The following STK40 variants were observed in gnomAD, a reference collection of about 807,000 sequenced individuals.
STK40 encodes the protein serine/threonine-protein kinase 40.
Under a neutral mutation model 47.9 loss-of-function variants are expected in STK40, and 13 were observed. The ratio of observed to expected loss-of-function variants is 0.27; its 90% CI spans 0.18 to 0.43. The LOEUF (loss-of-function observed/expected upper bound fraction) is 0.43, where lower values mean the gene tolerates loss of function less well. Among genes scored for constraint, STK40 ranks in the 20% least tolerant of loss-of-function variants. The pLI, the probability that STK40 is intolerant of heterozygous loss-of-function variation, is 1.00. For synonymous variants in STK40, 225 were observed against 243.2 expected (o/e 0.93, Z 0.69); for missense variants, 460 against 595.1 (o/e 0.77, Z 2.36).
intron 7 of STK40, among the ~76,000 whole-genome samples, chr1:36,344,602 G>A (rs1369549648): frequency 1.3e-5 from 2 of 152,174 alleles, no homozygotes; most frequent in Non-Finnish European, 2.9e-5. Flanking sequence ...TAACTAGCTG[G>A]CTCCAGATGA....
intron 10 of STK40, chr1:36,342,344 C>G (rs1404992744): frequency 3.5e-6 from 1 of 286,130 alleles, no homozygotes; most frequent in African/African-American, 2.2e-5. Flanking sequence ...AAGCCCTGGG[C>G]TGGGGGCGCA....
rs774795614 is a variant in STK40 at position 36,343,971 on chromosome 1, C to T, written c.893G>A (p.Arg298Gln). 8 of 1,602,486 alleles carry T rather than the reference C, an allele frequency of 5.0e-6. No individual in the cohort carries two copies. The highest frequency in any genetic ancestry group is 4.0e-5 in the African/African-American group (3 of 74,650). The change falls in exon 9 of 11, where the codon CGG (arginine) becomes CAG (glutamine). Residue 298 changes from arginine (R) to glutamine (Q), a missense_variant. Arg to Gln is a conservative substitution (Grantham distance 43). Around this residue, in one of 3 missense-constraint regions of STK40, gnomAD observed 181 missense variants for 218.9 expected, o/e 0.83. Coordinates refer to ENST00000373132, the MANE Select transcript of STK40 (RefSeq NM_001282547.2). ...AAEYTIPEDG[R>Q]VSENTVCLIR... The stretch of plus-strand genomic sequence containing the variant: ...GAGACACACGGTGTTCTCAGAAACC[C>T]GTCCATCCCTGAGGCAGGGAGTTGG...
At chr1:36,380,377 G>A (rs1647029312) in intron 1 of STK40, among the ~76,000 whole-genome samples, 1 of 152,212 alleles carries the variant, frequency 6.6e-6, no homozygotes, top group African/African-American at 2.4e-5. Flanking sequence ...CTGAGGGACA[G>A]CTTCTGGCTC....
intron 1 of STK40, among the ~76,000 whole-genome samples, chr1:36,364,044 G>A (rs558824949): frequency 8.9e-4 from 135 of 151,692 alleles, no homozygotes; most frequent in African/African-American, 3.1e-3. Flanking sequence ...CCAGCTACTC[G>A]GGAGGCTGAG....
intron 1 of STK40, among the ~76,000 whole-genome samples, chr1:36,373,908 C>T (rs1281372303): frequency 2.0e-5 from 3 of 152,256 alleles, no homozygotes; most frequent in Admixed American, 6.5e-5. Context: ...CCCCCTGAGG[C>T]CTGCTCTGCT....
intron 1 of STK40, among the ~76,000 whole-genome samples, chr1:36,376,870 C>T (rs535774230): frequency 1.3e-5 from 2 of 151,670 alleles, no homozygotes; most frequent in African/African-American, 4.8e-5. Flanking sequence ...ATCACCTCCC[C>T]GGTTCAAGCA....
intron 4 of STK40, among the ~76,000 whole-genome samples, chr1:36,357,327 G>C (rs1305414352): frequency 1.3e-5 from 2 of 152,232 alleles, no homozygotes; most frequent in African/African-American, 2.4e-5. Context: ...CAAACAGCAG[G>C]TCTGTCTTAG....
intron 6 of STK40, among the ~76,000 whole-genome samples, chr1:36,351,784 A>C (rs1432990667): frequency 2.0e-5 from 3 of 152,208 alleles, no homozygotes; most frequent in African/African-American, 7.2e-5. Context: ...CAAATCCCCC[A>C]GTGACACAAA....
intron 1 of STK40, among the ~76,000 whole-genome samples, chr1:36,374,613 T>C (rs1646976308): frequency 6.6e-6 from 1 of 152,178 alleles, no homozygotes; most frequent in Non-Finnish European, 1.5e-5. Flanking sequence ...TGTGTGGGTG[T>C]CAGAGGAGGA....
At chr1:36,367,488 G>A (rs908230327) in intron 1 of STK40, among the ~76,000 whole-genome samples, 1 of 152,170 alleles carries the variant, frequency 6.6e-6, no homozygotes, top group Admixed American at 6.5e-5. Context: ...CAGGCAACGT[G>A]AGCCCAGATC....
rs147659167 is a variant in STK40 at position 36,358,770 on chromosome 1, C to T, written c.165G>A (p.Arg55=). The change falls in exon 3 of 11, where the codon AGG becomes AGA. Residue 55 remains arginine, a synonymous_variant. Transcript: ENST00000373132. ...GATAGAAGTCATCCGTGCCATCTTT[C>T]CTCGCCAAACACTGCACTATGCTTG... ...PVPSIVQCLA[R]KDGTDDFYQL... is the part of the protein sequence containing the mutation. 841 of 1,614,186 alleles carry T rather than the reference C, an allele frequency of 5.2e-4. 9 individuals carry two copies. The South Asian group carries it at 6.8e-3, about 13-fold the overall frequency.
At chr1:36,343,166 G>T in intron 10 of STK40, 198 bp downstream of exon 10, 1 of 719,750 alleles carries the variant, frequency 1.4e-6, no homozygotes. Context: ...AAGATCTCCA[G>T]CTACACCAAG....
intron 1 of STK40, among the ~76,000 whole-genome samples, chr1:36,375,655 G>A (rs1646986220): frequency 6.6e-6 from 1 of 152,170 alleles, no homozygotes; most frequent in Non-Finnish European, 1.5e-5. Context: ...ATTATCCTGT[G>A]AGAAAGGCAG....
intron 5 of STK40, 128 bp from the exon 6 acceptor site, chr1:36,354,544 C>T: frequency 1.1e-6 from 1 of 924,226 alleles, no homozygotes; most frequent in Admixed American, 1.8e-5. Flanking sequence ...TCTCTTTAGG[C>T]TCCAAGCACA....
chr1:36,383,240 G>GGC (rs1461835615), intron 1 of STK40, among the ~76,000 whole-genome samples: 4 of 152,166 alleles, frequency 2.6e-5, no homozygotes, highest in African/African-American at 9.7e-5. Context: ...CATCATACCC[G>GGC]GCCTCAAATA....
chr1:36,384,696 AAATG>A (rs779121090), intron 1 of STK40, among the ~76,000 whole-genome samples: 1 of 152,176 alleles, frequency 6.6e-6, no homozygotes, highest in Non-Finnish European at 1.5e-5. Context: ...GTCATGTGAG[AAATG>A]AATGAATGAA....
At chr1:36,343,021 C>G in intron 10 of STK40, 1 of 597,608 alleles carries the variant, frequency 1.7e-6, no homozygotes. Context: ...AAATGAAAAG[C>G]AGGAAGGGTG....
At chr1:36,357,604 A>T (rs551646207) in intron 4 of STK40, among the ~76,000 whole-genome samples, 68 of 152,078 alleles carry the variant, frequency 4.5e-4, no homozygotes, top group Middle Eastern at 3.4e-3. Flanking sequence ...AAAAAAAAAA[A>T]TTTTAAAAAA....
intron 7 of STK40, among the ~76,000 whole-genome samples, chr1:36,346,038 A>G (rs1379683936): frequency 1.7e-5 from 2 of 116,498 alleles, no homozygotes; most frequent in African/African-American, 6.8e-5. Flanking sequence ...TCTGTTGCCC[A>G]GGCTGGAGTG....
Sources: gnomAD v4.1 joint callset for allele counts (sites outside exome capture counted in the v4.1 genomes callset) on GRCh38, gnomAD v4.1.1 for gene constraint, gnomAD v4.1.1 regional missense constraint, MANE v1.5 for transcripts, NCBI Gene and HGNC (gene_info 2026-07-23, HGNC 2026-07-21) for gene names.